Variants in OGDH observed in about 807,000 individuals in gnomAD.
OGDH encodes 2-oxoglutarate dehydrogenase complex component E1.
A neutral mutation model predicts 116.6 loss-of-function variants in OGDH; 38 were observed. The ratio of observed to expected loss-of-function variants is 0.33; its 90% CI spans 0.25 to 0.43. The LOEUF is 0.43. Among genes scored for constraint, OGDH ranks in the 20% least tolerant of loss-of-function variants. OGDH has a pLI of 1.00. For synonymous variants in OGDH, 488 were observed against 533.3 expected (o/e 0.92, Z 1.17); for missense variants, 825 against 1,357.2 (o/e 0.61, Z 6.16).
intron 2 of OGDH, among the ~76,000 whole-genome samples, chr7:44,639,365 T>C (rs990067769): frequency 6.6e-6 from 1 of 151,962 alleles, no homozygotes; most frequent in Non-Finnish European, 1.5e-5. Context: ...AGTGGCCCCA[T>C]TGGTGACTCA....
chr7:44,697,693 A>G lies in OGDH; in HGVS notation c.2269A>G (p.Ile757Val). The G allele has an allele frequency of 3.7e-6, 6 of 1,614,246 alleles. No individual in the cohort carries two copies. Among genetic ancestry groups the G allele is most frequent in the Non-Finnish European group, 5.1e-6 (6 of 1,180,044 alleles). ...TGACTTCCACAACACGGCCCAGTGTATCATCGACCAGTTCATCTGCCCGGG... is the reference window on the plus strand; with the variant it reads ...TGACTTCCACAACACGGCCCAGTGTGTCATCGACCAGTTCATCTGCCCGGG... The part of the protein sequence containing the change: ...FGDFHNTAQC[I>V]IDQFICPGQA... Residue 757 changes from isoleucine (I) to valine (V), a missense_variant, in exon 17 of 23, where the codon ATC (isoleucine) becomes GTC (valine). By Grantham distance (29) the Ile-to-Val change is conservative. Around this residue, in one of 7 missense-constraint regions of OGDH, gnomAD observed 73 missense variants for 182.3 expected, o/e 0.40. Transcript: ENST00000222673. This position sits in a 1 kb window ranked among gnomAD's most constrained non-coding sequence, Gnocchi z 6.0.
chr7:44,630,251 TC>T (rs1480290865), intron 2 of OGDH, among the ~76,000 whole-genome samples: 1 of 152,216 alleles, frequency 6.6e-6, no homozygotes, highest in Non-Finnish European at 1.5e-5. Flanking sequence ...CTGGGGTTCC[TC>T]CCATGGCAGG....
intron 20 of OGDH, among the ~76,000 whole-genome samples, chr7:44,702,978 A>C (rs1193358206): frequency 1.3e-5 from 2 of 152,186 alleles, no homozygotes; most frequent in Non-Finnish European, 2.9e-5. Context: ...TCAGTGTGTT[A>C]CTGCCTCTAT....
In OGDH at chr7:44,624,275, A is replaced by G. The variant is rs113502948; in HGVS notation, c.-27-42A>G. The G allele has an allele frequency of 9.0e-4, 1,246 of 1,384,724 alleles. 1 individual carries two copies. The highest frequency in any genetic ancestry group is 1.1e-3 in the Non-Finnish European group (1,145 of 997,902). 85.8% of individuals were successfully genotyped at this position (1,384,724 alleles called of 1,614,324 possible). On this transcript the variant is annotated intron_variant, in intron 1 of 22. Transcript: ENST00000222673. ...CCTTGTCTCCTAAATACTCATTTTTAAAACCTTTCTTTCTTGTTTTTTTTT... is the reference window on the plus strand; with the variant it reads ...CCTTGTCTCCTAAATACTCATTTTTGAAACCTTTCTTTCTTGTTTTTTTTT...
In OGDH at chr7:44,676,131, C is replaced by T. The variant is rs147519663; in HGVS notation, c.1188C>T (p.Gly396=). 3,515 of 1,613,988 alleles carry T rather than the reference C, an allele frequency of 2.2e-3. 5 individuals carry two copies. Among genetic ancestry groups the T allele is most frequent in the Non-Finnish European group, 2.6e-3 (3,105 of 1,180,016 alleles). The change falls in exon 9 of 23, where the codon GGC becomes GGT. Residue 396 remains glycine (G), a synonymous_variant. Coordinates refer to ENST00000222673, the MANE Select transcript of OGDH (RefSeq NM_002541.4). ...GKTKAEQFYC[G]DTEGKKVMSI... is the part of the protein sequence containing the mutation. ...CCAAAGCCGAACAGTTTTACTGTGG[C>T]GACACTGAAGGGAAAAAGGTAAGGC... is the stretch of plus-strand genomic sequence containing the variant.
At chr7:44,691,601 A>G (rs1268931304) in intron 10 of OGDH, among the ~76,000 whole-genome samples, 2 of 152,130 alleles carry the variant, frequency 1.3e-5, no homozygotes, top group East Asian at 1.9e-4. Context: ...AAACAAACCT[A>G]TGTCCAACAG....
intron 20 of OGDH, among the ~76,000 whole-genome samples, chr7:44,702,565 CTTTT>C (rs1309698227): frequency 2.6e-5 from 4 of 151,804 alleles, no homozygotes; most frequent in Non-Finnish European, 5.9e-5. Flanking sequence ...TTTTCCCAAT[CTTTT>C]TTTATTTTTA....
intron 5 of OGDH, among the ~76,000 whole-genome samples, chr7:44,667,841 C>G (rs142881201): frequency 2.0e-5 from 3 of 152,284 alleles, no homozygotes; most frequent in African/African-American, 7.2e-5. Flanking sequence ...AATGGGGACC[C>G]TCAGAATTGA....
At chr7:44,626,895 A>G (rs572714253) in intron 2 of OGDH, among the ~76,000 whole-genome samples, 1 of 152,210 alleles carries the variant, frequency 6.6e-6, no homozygotes, top group Non-Finnish European at 1.5e-5. Context: ...TCCAGCACGG[A>G]CTTCATCACT....
At position 44,624,292 on chromosome 7, in the gene OGDH, T is replaced by G. The variant is rs969815575; in HGVS notation, c.-27-25T>G. The G allele has an allele frequency of 3.3e-4, 146 of 443,754 alleles. No individual in the cohort carries two copies. In the African/African-American group the frequency reaches 7.0e-3, roughly 21 times the overall value. The allele number at this position is 443,754 out of a possible 1,614,324, so 27.5% of individuals were successfully genotyped here. ...TCATTTTTAAAACCTTTCTTTCTTG[T>G]TTTTTTTTTTTTTTTTTTGTACAGG... On this transcript the variant is annotated intron_variant, in intron 1 of 22. Coordinates refer to ENST00000222673, the MANE Select transcript of OGDH (RefSeq NM_002541.4).
rs1375926941 is a variant in OGDH, at chr7:44,701,559, C to T, written c.2576C>T (p.Pro859Leu). 6.2e-7 allele frequency: 1 copy of T among 1,613,994 alleles called. No homozygotes were observed. Among genetic ancestry groups the T allele is most frequent in the African/African-American group, 1.3e-5 (1 of 74,916 alleles). The stretch of plus-strand genomic sequence containing the variant: ...GTATTTCAGTTAATTATCTTCACCC[C>T]CAAATCCCTGTTGCGCCACCCCGAG... ...PFRKPLIIFT[P>L]KSLLRHPEAR... The change falls in exon 20 of 23, where the codon CCC becomes CTC. Residue 859 changes from proline (P) to leucine (L), a missense_variant. Around this residue, in one of 7 missense-constraint regions of OGDH, gnomAD observed 212 missense variants for 284.3 expected, o/e 0.75. Coordinates refer to ENST00000222673, the MANE Select transcript of OGDH (RefSeq NM_002541.4).
Position 44,707,168 on chromosome 7 carries a change from A to C in OGDH, c.2633-57A>C. The C allele has an allele frequency of 6.3e-7, 1 of 1,584,422 alleles. No individual in the cohort carries two copies. The highest frequency in any genetic ancestry group is 8.6e-7 in the Non-Finnish European group (1 of 1,159,614). On this transcript the variant is annotated intron_variant, in intron 20 of 22. Coordinates refer to ENST00000222673, the MANE Select transcript of OGDH (RefSeq NM_002541.4). This position sits in a 1 kb window ranked among gnomAD's most constrained non-coding sequence, Gnocchi z 5.2. ...TCCCTGGCACAGCCCTGGGCCCAGG[A>C]GAGCTCTCAGCCACATACCTGAGAG... is the stretch of plus-strand genomic sequence containing the variant.
intron 14 of OGDH, 77 bp from the exon 15 acceptor site, chr7:44,696,837 C>A: frequency 6.7e-7 from 1 of 1,488,136 alleles, no homozygotes; most frequent in Non-Finnish European, 9.0e-7. Context: ...TCCGCTCTTG[C>A]CATGGGCACG....
Position 44,673,901 on chromosome 7 carries a change from G to A in OGDH, c.748G>A (p.Glu250Lys). Residue 250 changes from glutamate (E) to lysine (K), a missense_variant, in exon 6 of 23, where the codon GAG becomes AAG. Around this residue, in one of 7 missense-constraint regions of OGDH, gnomAD observed 171 missense variants for 276.8 expected, o/e 0.62. Transcript: ENST00000222673. ...TGGGATCATGCAGTTCACAAATGAG[G>A]AGAAACGGACCCTGCTGGCCAGGCT... ...TPGIMQFTNE[E>K]KRTLLARLVR... 1 of 1,614,256 alleles carries A rather than the reference G, an allele frequency of 6.2e-7. No individual in the cohort carries two copies. The highest frequency in any genetic ancestry group is 8.5e-7 in the Non-Finnish European group (1 of 1,180,044).
At chr7:44,670,871 C>A (rs527983145) in intron 5 of OGDH, among the ~76,000 whole-genome samples, 61 of 151,824 alleles carry the variant, frequency 4.0e-4, no homozygotes, top group Admixed American at 8.5e-4. Flanking sequence ...ATTAGCTGGG[C>A]GTGGTGGCGG....
intron 1 of OGDH, among the ~76,000 whole-genome samples, chr7:44,616,736 C>T (rs1784789427): frequency 7.6e-6 from 1 of 130,796 alleles, no homozygotes; most frequent in Admixed American, 7.6e-5. Flanking sequence ...CACATATATA[C>T]GTATATAAGT....
chr7:44,627,086 T>C (rs1271527843), intron 2 of OGDH, among the ~76,000 whole-genome samples: 1 of 152,224 alleles, frequency 6.6e-6, no homozygotes, highest in East Asian at 1.9e-4. Flanking sequence ...AACCTCCACC[T>C]CCGAGGCTCA....
chr7:44,672,388 C>T (rs1787500928), intron 5 of OGDH, among the ~76,000 whole-genome samples: 1 of 152,154 alleles, frequency 6.6e-6, no homozygotes, highest in Non-Finnish European at 1.5e-5. Flanking sequence ...TGGATGAGAG[C>T]TGCTGAGCAG....
chr7:44,626,955 C>T (rs1785231078), intron 2 of OGDH, among the ~76,000 whole-genome samples: 1 of 152,044 alleles, frequency 6.6e-6, no homozygotes, highest in South Asian at 2.1e-4. Flanking sequence ...TTGAATTGGG[C>T]CCAGTATGTG....
Sources: allele counts gnomAD v4.1 joint callset (sites outside exome capture counted in the v4.1 genomes callset), GRCh38; gene constraint gnomAD v4.1.1; regional missense constraint gnomAD v4.1.1; non-coding constraint Gnocchi (gnomAD v3.1); transcripts MANE v1.5; gene names NCBI Gene and HGNC (gene_info 2026-07-23, HGNC 2026-07-21).